MAMDC2: variants seen among roughly 807,000 people sequenced by gnomAD.
MAMDC2 encodes MAM domain-containing protein 2.
MAMDC2 carries 57 observed loss-of-function variants against 89.8 expected under a neutral mutation model. The ratio of observed to expected loss-of-function variants is 0.63; its 90% CI spans 0.51 to 0.79. The LOEUF is 0.79. MAMDC2 is among the 30% of genes least tolerant of loss of function. MAMDC2 has a pLI of 0.00. For missense variants in MAMDC2, 800 were observed against 820.6 expected, an observed-to-expected ratio of 0.97 and a Z score of 0.31; for synonymous variants, 313 against 293.4, an observed-to-expected ratio of 1.07 and a Z score of -0.68.
At chr9:70,214,350 A>G (rs1395662796) in intron 11 of MAMDC2, among the ~76,000 whole-genome samples, 1 of 152,194 alleles carries the variant, frequency 6.6e-6, no homozygotes, top group Non-Finnish European at 1.5e-5. Context: ...AACCAGACTT[A>G]GCACATGCAA....
intron 2 of MAMDC2, among the ~76,000 whole-genome samples, chr9:70,070,464 A>C (rs557635675): frequency 4.6e-5 from 7 of 152,338 alleles, no homozygotes; most frequent in Non-Finnish European, 1.0e-4. Context: ...AGTTTGAGCC[A>C]TCAGCTCTAC....
intron 6 of MAMDC2, among the ~76,000 whole-genome samples, chr9:70,128,346 G>A (rs2030652460): frequency 6.6e-6 from 1 of 152,148 alleles, no homozygotes; most frequent in Non-Finnish European, 1.5e-5. Context: ...ATGGACCTGT[G>A]TTAAGTTTGT....
At chr9:70,158,859 C>T (rs935068606) in intron 9 of MAMDC2, among the ~76,000 whole-genome samples, 1 of 151,724 alleles carries the variant, frequency 6.6e-6, no homozygotes, top group Admixed American at 6.6e-5. Flanking sequence ...ATAATGGCAA[C>T]AGTTACAACA....
rs2975916 is a variant in MAMDC2 at position 70,057,350 on chromosome 9, G to A, written c.148+12653G>A. ...AGTGGCCCTCTTGCCTATCAAGTACGCTATTATGCAGCTTTTGAGAGAGGA... is the reference window on the plus strand; with the variant it reads ...AGTGGCCCTCTTGCCTATCAAGTACACTATTATGCAGCTTTTGAGAGAGGA... On this transcript the variant is annotated intron_variant, in intron 2 of 13. Coordinates refer to ENST00000377182, the MANE Select transcript of MAMDC2 (RefSeq NM_153267.5). Among the ~76,000 whole-genome samples, 1,043 of 152,226 alleles carry A rather than the reference G, an allele frequency of 6.9e-3. 16 individuals are homozygous for A. Among genetic ancestry groups the A allele is most frequent in the African/African-American group, 0.024 (985 of 41,532 alleles).
intron 11 of MAMDC2, among the ~76,000 whole-genome samples, chr9:70,180,489 A>C (rs1401387911): frequency 1.3e-5 from 2 of 150,958 alleles, no homozygotes; most frequent in Non-Finnish European, 3.0e-5. Context: ...AACAGTGTAA[A>C]AGCATTCCTA....
At chr9:70,107,253 C>G (rs1339582358) in intron 2 of MAMDC2, among the ~76,000 whole-genome samples, 1 of 152,112 alleles carries the variant, frequency 6.6e-6, no homozygotes, top group African/African-American at 2.4e-5. Flanking sequence ...GCTTCAATGC[C>G]CCACCAACTT....
chr9:70,187,149 T>C (rs1231980108), intron 11 of MAMDC2, among the ~76,000 whole-genome samples: 1 of 152,144 alleles, frequency 6.6e-6, no homozygotes, highest in Non-Finnish European at 1.5e-5. Context: ...CAAAATTTCT[T>C]GATCTTTATC....
intron 2 of MAMDC2, chr9:70,086,979 G>A (rs1391016500): frequency 6.6e-6 from 1 of 152,116 alleles, no homozygotes; most frequent in Non-Finnish European, 1.5e-5. Context: ...ACAGAGTTCT[G>A]TCTGAGAACT....
intron 2 of MAMDC2, among the ~76,000 whole-genome samples, chr9:70,059,331 G>T (rs1170617754): frequency 1.3e-5 from 2 of 152,148 alleles, no homozygotes; most frequent in African/African-American, 4.8e-5. Context: ...AGTGACGAAG[G>T]TACCCCTTAC....
chr9:70,174,454 G>A (rs1014114875), intron 11 of MAMDC2, among the ~76,000 whole-genome samples: 2 of 152,178 alleles, frequency 1.3e-5, no homozygotes, highest in African/African-American at 4.8e-5. Context: ...AATGTAAATA[G>A]AAGAGTCACA....
At chr9:70,155,989 A>G (rs935745159) in intron 9 of MAMDC2, among the ~76,000 whole-genome samples, 3 of 152,182 alleles carry the variant, frequency 2.0e-5, no homozygotes, top group Non-Finnish European at 4.4e-5. Context: ...TGACTCTAGC[A>G]TTTACTATGT....
At chr9:70,219,501 G>C in intron 12 of MAMDC2, among the ~76,000 whole-genome samples, 1 of 152,138 alleles carries the variant, frequency 6.6e-6, no homozygotes, top group Admixed American at 6.5e-5. Context: ...ATCTTCCTGG[G>C]AAGGGATATC....
chr9:70,104,215 T>C (rs1359916951), intron 2 of MAMDC2, among the ~76,000 whole-genome samples: 2 of 152,108 alleles, frequency 1.3e-5, no homozygotes, highest in Non-Finnish European at 2.9e-5. Context: ...AATTAGTCAC[T>C]TGAGAAATGC....
chr9:70,162,645 C>T (rs967407619), intron 9 of MAMDC2, among the ~76,000 whole-genome samples: 3 of 151,914 alleles, frequency 2.0e-5, no homozygotes, highest in Admixed American at 6.6e-5. Context: ...TGTACACCAC[C>T]GTGCCCAGCT....
At chr9:70,152,083 C>T (rs902263731) in intron 9 of MAMDC2, among the ~76,000 whole-genome samples, 5 of 152,294 alleles carry the variant, frequency 3.3e-5, no homozygotes, top group African/African-American at 1.2e-4. Flanking sequence ...CCAGTTATTT[C>T]CCTCACTCCT....
intron 9 of MAMDC2, among the ~76,000 whole-genome samples, chr9:70,148,431 C>T (rs775216478): frequency 1.3e-5 from 2 of 150,348 alleles, no homozygotes; most frequent in Non-Finnish European, 3.0e-5. Flanking sequence ...CCAAGTCTGC[C>T]ACTTACTAGC....
At chr9:70,191,437 A>G (rs1259284205) in intron 11 of MAMDC2, among the ~76,000 whole-genome samples, 1 of 152,118 alleles carries the variant, frequency 6.6e-6, no homozygotes, top group Non-Finnish European at 1.5e-5. Flanking sequence ...TGATAACTCC[A>G]TATGTGGGCC....
intron 11 of MAMDC2, among the ~76,000 whole-genome samples, chr9:70,184,021 G>C (rs1237812871): frequency 6.6e-6 from 1 of 152,124 alleles, no homozygotes; most frequent in Admixed American, 6.5e-5. Flanking sequence ...GCTGGTACTG[G>C]TTTTTCCTTT....
At chr9:70,059,093 A>G (rs926302135) in intron 2 of MAMDC2, among the ~76,000 whole-genome samples, 19 of 152,194 alleles carry the variant, frequency 1.2e-4, no homozygotes, top group African/African-American at 4.6e-4. Context: ...AAGAAAAATG[A>G]AAATGTAATA....
Sources: gnomAD v4.1 joint callset for allele counts (sites outside exome capture counted in the v4.1 genomes callset) on GRCh38, gnomAD v4.1.1 for gene constraint, MANE v1.5 for transcripts, NCBI Gene and HGNC (gene_info 2026-07-23, HGNC 2026-07-21) for gene names.